The following DNM3 variants were observed in gnomAD, a reference collection of about 807,000 sequenced individuals.
DNM3 encodes dynamin-3.
Under a neutral mutation model 101.6 loss-of-function variants are expected in DNM3, and 47 were observed. The observed-to-expected ratio is 0.46, with a 90% confidence interval of 0.37 to 0.59. DNM3 has a LOEUF of 0.59. Ranked by LOEUF, DNM3 falls within the 20% of genes least tolerant of loss-of-function variation. DNM3 has a pLI of 0.00. For synonymous variants in DNM3, 385 were observed against 387.9 expected (o/e 0.99, Z 0.09); for missense variants, 849 against 1,085.7 (o/e 0.78, Z 3.06).
chr1:171,968,259 T>C (rs1189243844), intron 2 of DNM3, among the ~76,000 whole-genome samples: 1 of 152,228 alleles, frequency 6.6e-6, no homozygotes, highest in Non-Finnish European at 1.5e-5. Flanking sequence ...CCTTTTTTTT[T>C]CTTCTGATAC....
chr1:172,253,162 G>C (rs1265445887), intron 14 of DNM3, among the ~76,000 whole-genome samples: 1 of 152,066 alleles, frequency 6.6e-6, no homozygotes, highest in Non-Finnish European at 1.5e-5. Context: ...GAACATTTTT[G>C]TTAAATATTA....
intron 17 of DNM3, among the ~76,000 whole-genome samples, chr1:172,353,109 C>A (rs1311598612): frequency 2.6e-5 from 4 of 152,170 alleles, no homozygotes; most frequent in Non-Finnish European, 2.9e-5. Flanking sequence ...TATCCACAGG[C>A]CACAGGTGCA....
In DNM3 at chr1:172,304,248, T is replaced by C. The variant is rs1450369021; in HGVS notation, c.1770-4480T>C. 5.1e-5 allele frequency among the ~76,000 whole-genome samples: 6 copies of C among 117,142 alleles called. No individual in the cohort carries two copies. The South Asian group carries it at 1.1e-3, about 22-fold the overall frequency. The allele number at this position is 117,142 out of a possible 152,430, so 76.8% of individuals were successfully genotyped here. A position where few individuals can be genotyped will look rare whatever the true frequency, so the allele number is the denominator to read the frequency against. ...CAGGAGTTGCAATCCTAGTCTCTGA[T>C]AAAACAGACTTTAAACCAACAAAGA... On this transcript the variant is annotated intron_variant, in intron 15 of 20. Coordinates refer to ENST00000627582, the MANE Select transcript of DNM3 (RefSeq NM_015569.5).
At chr1:172,194,319 G>T (rs374381942) in intron 14 of DNM3, among the ~76,000 whole-genome samples, 1 of 152,156 alleles carries the variant, frequency 6.6e-6, no homozygotes. Flanking sequence ...ATGTGGTGCT[G>T]AGAAGAATGT....
intron 14 of DNM3, among the ~76,000 whole-genome samples, chr1:172,217,180 A>G (rs976610643): frequency 6.6e-6 from 1 of 152,094 alleles, no homozygotes; most frequent in Non-Finnish European, 1.5e-5. Flanking sequence ...CAGCCTCCTT[A>G]CACCTCACTC....
At chr1:171,872,788 T>G (rs959320109) in intron 1 of DNM3, among the ~76,000 whole-genome samples, 6 of 150,866 alleles carry the variant, frequency 4.0e-5, no homozygotes, top group African/African-American at 1.5e-4. Context: ...AAGAAATGTT[T>G]GTTTTTTTTT....
chr1:172,322,588 G>A (rs1039853009), intron 16 of DNM3, among the ~76,000 whole-genome samples: 1 of 152,130 alleles, frequency 6.6e-6, no homozygotes, highest in African/African-American at 2.4e-5. Context: ...CCAGAGTGTC[G>A]CTTTTAGAAA....
chr1:171,937,433 CTT>C (rs1234609517), intron 2 of DNM3, among the ~76,000 whole-genome samples: 9 of 152,138 alleles, frequency 5.9e-5, no homozygotes, highest in African/African-American at 2.2e-4. Context: ...GTTTAAATCT[CTT>C]TAATATTGTT....
rs2047321191 is a variant in DNM3, at chr1:172,014,505, T to C, written c.590-17897T>C. Among the ~76,000 whole-genome samples the C allele has an allele frequency of 2.0e-5, 3 of 152,284 alleles. No individual in the cohort carries two copies. The South Asian group carries it at 6.2e-4, about 32-fold the overall frequency. On this transcript the variant is annotated intron_variant, in intron 4 of 20. Coordinates refer to ENST00000627582, the MANE Select transcript of DNM3 (RefSeq NM_015569.5). Reference sequence around the variant, plus strand: ...CTTAGCCATTCTAATAGGTGTGTAGTGGCATTTCATTGTTGTTTGAAGTTG... The same window carrying C: ...CTTAGCCATTCTAATAGGTGTGTAGCGGCATTTCATTGTTGTTTGAAGTTG...
chr1:171,987,850 A>T (rs572275619), intron 3 of DNM3, 45 bp downstream of exon 3: 1 of 1,487,224 alleles, frequency 6.7e-7, no homozygotes, highest in South Asian at 1.4e-5. Context: ...TCAAACATTT[A>T]TACTACATTA....
At chr1:172,177,082 T>C (rs879533633) in intron 14 of DNM3, among the ~76,000 whole-genome samples, 13 of 151,826 alleles carry the variant, frequency 8.6e-5, no homozygotes, top group Non-Finnish European at 1.8e-4. Flanking sequence ...GGCGATGGTG[T>C]GTTTTGAGTT....
At chr1:171,881,540 G>A (rs1425363365) in intron 1 of DNM3, among the ~76,000 whole-genome samples, 2 of 152,262 alleles carry the variant, frequency 1.3e-5, no homozygotes, top group Non-Finnish European at 2.9e-5. Flanking sequence ...GAGATCATAG[G>A]GGTCTCCAGG....
intron 14 of DNM3, among the ~76,000 whole-genome samples, chr1:172,243,579 C>T (rs1254897052): frequency 6.6e-6 from 1 of 152,132 alleles, no homozygotes; most frequent in Non-Finnish European, 1.5e-5. Flanking sequence ...GTGTAGCTCC[C>T]TTTCAGGATC....
intron 1 of DNM3, among the ~76,000 whole-genome samples, chr1:171,918,291 G>A (rs2125308610): frequency 6.6e-6 from 1 of 152,294 alleles, no homozygotes; most frequent in East Asian, 1.9e-4. Flanking sequence ...TACAACTTGG[G>A]CCATAGTTAG....
chr1:172,262,752 T>G (rs776054604), intron 15 of DNM3, among the ~76,000 whole-genome samples: 3 of 152,208 alleles, frequency 2.0e-5, no homozygotes, highest in Non-Finnish European at 4.4e-5. Flanking sequence ...TGAAGCCCCC[T>G]CTTTGTATTT....
intron 2 of DNM3, among the ~76,000 whole-genome samples, chr1:171,949,086 A>T (rs551391219): frequency 6.6e-6 from 1 of 152,282 alleles, no homozygotes; most frequent in East Asian, 1.9e-4. Context: ...TCATGAGATA[A>T]ATCACTTCCC....
At chr1:171,890,057 A>T (rs2037132427) in intron 1 of DNM3, among the ~76,000 whole-genome samples, 1 of 152,146 alleles carries the variant, frequency 6.6e-6, no homozygotes, top group South Asian at 2.1e-4. Context: ...ATAAGAGGAA[A>T]ATTCGAAGAG....
chr1:172,240,425 C>T (rs923204747), intron 14 of DNM3, among the ~76,000 whole-genome samples: 2 of 152,100 alleles, frequency 1.3e-5, no homozygotes, highest in African/African-American at 4.8e-5. Flanking sequence ...CTACTGAGTT[C>T]TGGGAATTGT....
At chr1:172,086,737 G>A (rs570268149) in intron 12 of DNM3, among the ~76,000 whole-genome samples, 19 of 152,146 alleles carry the variant, frequency 1.2e-4, no homozygotes, top group African/African-American at 4.1e-4. Context: ...GAGAGAAAGA[G>A]CAAGGAAGCC....
Sources: gnomAD v4.1 joint callset for allele counts (sites outside exome capture counted in the v4.1 genomes callset) on GRCh38, gnomAD v4.1.1 for gene constraint, MANE v1.5 for transcripts, NCBI Gene and HGNC (gene_info 2026-07-23, HGNC 2026-07-21) for gene names.